The following AGBL4 variants were observed in gnomAD, a reference collection of about 807,000 sequenced individuals.
AGBL4 encodes the protein cytosolic carboxypeptidase 6.
AGBL4 carries 58 observed loss-of-function variants against 66.4 expected under a neutral mutation model. That is an observed-to-expected ratio of 0.87 (90% CI 0.71 to 1.09). AGBL4 has a LOEUF of 1.09. AGBL4 is among the 50% of genes least tolerant of loss of function. The pLI is 0.00. For missense variants in AGBL4, 579 were observed against 631.0 expected, an observed-to-expected ratio of 0.92 and a Z score of 0.88; for synonymous variants, 234 against 222.9, an observed-to-expected ratio of 1.05 and a Z score of -0.44.
chr1:49,627,286 T>C (rs773247571), intron 3 of AGBL4, among the ~76,000 whole-genome samples: 13 of 152,126 alleles, frequency 8.5e-5, no homozygotes, highest in African/African-American at 1.2e-4. Flanking sequence ...AAATCTATCT[T>C]AAAGAAAATA....
chr1:49,632,285 T>A (rs1156951592), intron 3 of AGBL4, among the ~76,000 whole-genome samples: 2 of 152,126 alleles, frequency 1.3e-5, no homozygotes, highest in Non-Finnish European at 2.9e-5. Context: ...GTTAACCCAA[T>A]TATTATGGGA....
intron 4 of AGBL4, among the ~76,000 whole-genome samples, chr1:49,058,607 C>T (rs917159297): frequency 3.3e-5 from 5 of 152,174 alleles, no homozygotes; most frequent in African/African-American, 7.2e-5. Flanking sequence ...GAGTGGGGCA[C>T]TGCTGTAAAG....
At chr1:49,131,384 T>C (rs1645892530) in intron 4 of AGBL4, among the ~76,000 whole-genome samples, 2 of 152,116 alleles carry the variant, frequency 1.3e-5, no homozygotes. Flanking sequence ...AAATTTATTG[T>C]ACAGAAATTA....
At chr1:49,948,101 TATATATGTAA>T (rs1284680503) in intron 1 of AGBL4, among the ~76,000 whole-genome samples, 8 of 83,618 alleles carry the variant, frequency 9.6e-5, no homozygotes, top group African/African-American at 3.3e-4. Context: ...TGTATATGTA[TATATATGTAA>T]ATGTATGTAA....
At chr1:49,672,921 C>CAAAAAAAAAAAAAA (rs60612868) in intron 3 of AGBL4, among the ~76,000 whole-genome samples, 24 of 46,970 alleles carry the variant, frequency 5.1e-4, no homozygotes, top group Middle Eastern at 0.011. Flanking sequence ...AACTCCATCT[C>CAAAAAAAAAAAAAA]AAAAAAAAAA....
At chr1:50,000,743 A>G (rs1416914831) in intron 1 of AGBL4, among the ~76,000 whole-genome samples, 1 of 152,244 alleles carries the variant, frequency 6.6e-6, no homozygotes, top group Non-Finnish European at 1.5e-5. Context: ...CAGCCATAAA[A>G]AGGAACTAAA....
chr1:49,325,797 A>AAG (rs1645217947), intron 3 of AGBL4, among the ~76,000 whole-genome samples: 1 of 152,174 alleles, frequency 6.6e-6, no homozygotes, highest in Admixed American at 6.5e-5. Context: ...GTTTAGCACC[A>AAG]TCGTCTTGGT....
At position 49,697,421 on chromosome 1, in the gene AGBL4, C is replaced by T; in HGVS notation, c.174G>A (p.Val58=). 6.6e-7 allele frequency: 1 copy of T among 1,520,880 alleles called. No individual in the cohort carries two copies. The highest frequency in any genetic ancestry group is 1.2e-5 in the South Asian group (1 of 81,018). 94.2% of individuals were successfully genotyped at this position (1,520,880 alleles called of 1,614,324 possible). A position where few individuals can be genotyped will look rare whatever the true frequency, so the allele number is the denominator to read the frequency against. ...CATACTCAAACTCAGAGACCTGGTC[C>T]ACCCGGCCCAGGTTACCTGGTAATA... The part of the protein sequence containing the change: ...ACFESGNLGR[V]DQVSEFEYDL... The change falls in exon 3 of 14, where the codon GTG becomes GTA. Residue 58 remains valine (V), a synonymous_variant. Transcript: ENST00000371839.
intron 2 of AGBL4, among the ~76,000 whole-genome samples, chr1:49,718,969 C>G (rs1350441909): frequency 6.6e-6 from 1 of 151,950 alleles, no homozygotes; most frequent in Non-Finnish European, 1.5e-5. Context: ...TTAAGTTATC[C>G]AGGAGTGAGA....
chr1:49,668,701 C>T lies in AGBL4; in HGVS notation c.282+28612G>A, dbSNP rs115581404. Among the ~76,000 whole-genome samples the T allele has an allele frequency of 4.7e-3, 712 of 152,260 alleles. 5 individuals carry two copies. Among genetic ancestry groups the T allele is most frequent in the Non-Finnish European group, 6.7e-3 (458 of 68,010 alleles). ...CTGCTATGAAAATCAGATGCTTTCA[C>T]CTGGAATCCCACTCCTGAATTGATT... On this transcript the variant is annotated intron_variant, in intron 3 of 13. Transcript: ENST00000371839.
chr1:49,542,756 G>T (rs1277406591), intron 3 of AGBL4, among the ~76,000 whole-genome samples: 3 of 151,750 alleles, frequency 2.0e-5, no homozygotes, highest in Non-Finnish European at 4.4e-5. Flanking sequence ...AAATTAGCTG[G>T]GTATGGTGGC....
intron 3 of AGBL4, among the ~76,000 whole-genome samples, chr1:49,510,420 T>G (rs1558008101): frequency 6.6e-6 from 1 of 151,046 alleles, no homozygotes; most frequent in Admixed American, 6.6e-5. Flanking sequence ...GCCCACTTTT[T>G]GATGGGGTTG....
intron 2 of AGBL4, among the ~76,000 whole-genome samples, chr1:49,761,128 C>A (rs1033642766): frequency 2.0e-5 from 3 of 149,654 alleles, no homozygotes; most frequent in African/African-American, 7.5e-5. Flanking sequence ...GCACATGCAT[C>A]CCGTTTTTTT....
chr1:48,541,320 G>C (rs77961618), intron 11 of AGBL4, among the ~76,000 whole-genome samples: 1,588 of 152,298 alleles, frequency 0.01, 24 homozygotes, highest in African/African-American at 0.034. Context: ...TCACCAACCA[G>C]AGTGCTAATC....
intron 3 of AGBL4, among the ~76,000 whole-genome samples, chr1:49,565,824 T>A (rs1208860035): frequency 6.6e-6 from 1 of 152,202 alleles, no homozygotes; most frequent in Non-Finnish European, 1.5e-5. Context: ...GTTCTCTGTA[T>A]TTCCTGAATT....
At chr1:49,056,145 C>A (rs1307167510) in intron 4 of AGBL4, among the ~76,000 whole-genome samples, 1 of 151,998 alleles carries the variant, frequency 6.6e-6, no homozygotes, top group Non-Finnish European at 1.5e-5. Flanking sequence ...CTCTCTTTCA[C>A]CCTTCAATAA....
intron 3 of AGBL4, among the ~76,000 whole-genome samples, chr1:49,455,424 G>T (rs1465299813): frequency 2.0e-5 from 3 of 151,592 alleles, no homozygotes; most frequent in Admixed American, 6.6e-5. Flanking sequence ...ATAGAAATTA[G>T]TTATTGTTAT....
At chr1:48,892,370 T>G (rs1218919132) in intron 5 of AGBL4, among the ~76,000 whole-genome samples, 1 of 152,354 alleles carries the variant, frequency 6.6e-6, no homozygotes, top group Non-Finnish European at 1.5e-5. Context: ...TTCTTTTTTT[T>G]AATTTAGAAA....
intron 3 of AGBL4, among the ~76,000 whole-genome samples, chr1:49,419,696 G>C (rs1645501851): frequency 6.6e-6 from 1 of 152,138 alleles, no homozygotes; most frequent in South Asian, 2.1e-4. Flanking sequence ...TATCCTCAGT[G>C]TTCAAATTTT....
Sources: allele counts gnomAD v4.1 joint callset (sites outside exome capture counted in the v4.1 genomes callset), GRCh38; gene constraint gnomAD v4.1.1; transcripts MANE v1.5; gene names NCBI Gene and HGNC (gene_info 2026-07-23, HGNC 2026-07-21).